MTUS2: variants seen among roughly 807,000 people sequenced by gnomAD.
MTUS2 encodes microtubule-associated tumor suppressor candidate 2.
A neutral mutation model predicts 114.1 loss-of-function variants in MTUS2; 40 were observed. That is an observed-to-expected ratio of 0.35 (90% CI 0.27 to 0.46). MTUS2 has a LOEUF of 0.46. Among genes scored for constraint, MTUS2 ranks in the 20% least tolerant of loss-of-function variants. MTUS2 has a pLI of 1.00. For synonymous variants in MTUS2, 688 were observed against 672.0 expected, an observed-to-expected ratio of 1.02 and a Z score of -0.37; for missense variants, 1,679 against 1,705.4, an observed-to-expected ratio of 0.98 and a Z score of 0.27.
intron 2 of MTUS2, among the ~76,000 whole-genome samples, chr13:28,892,552 CTTTTTAA>C (rs1334748606): frequency 6.6e-6 from 1 of 152,126 alleles, no homozygotes; most frequent in Non-Finnish European, 1.5e-5. Context: ...TGCTATTTTG[CTTTTTAA>C]TTTTTACTTC....
At chr13:29,295,877 A>G (rs1461021052) in intron 6 of MTUS2, among the ~76,000 whole-genome samples, 2 of 152,150 alleles carry the variant, frequency 1.3e-5, no homozygotes, top group African/African-American at 4.8e-5. Flanking sequence ...GAGACTTACT[A>G]TCATGAGAAC....
intron 2 of MTUS2, among the ~76,000 whole-genome samples, chr13:28,904,493 C>T (rs201091994): frequency 6.6e-6 from 1 of 152,130 alleles, no homozygotes; most frequent in East Asian, 1.9e-4. Context: ...TTTCCCAGCA[C>T]CATTTATTAA....
At chr13:29,088,165 G>A (rs2138763107) in intron 4 of MTUS2, among the ~76,000 whole-genome samples, 1 of 152,034 alleles carries the variant, frequency 6.6e-6, no homozygotes, top group South Asian at 2.1e-4. Context: ...CAGAGATTCT[G>A]GTATGTTGTA....
intron 6 of MTUS2, among the ~76,000 whole-genome samples, chr13:29,287,278 G>C (rs1394874164): frequency 6.6e-6 from 1 of 152,208 alleles, no homozygotes; most frequent in African/African-American, 2.4e-5. Flanking sequence ...GTGTGTGAAG[G>C]GGGATGGTGT....
Position 29,504,393 on chromosome 13 carries a change from GA to G in MTUS2, c.*1197del, listed in dbSNP as rs59206498. 0.89 allele frequency: 185,925 copies of G among 209,590 alleles called. 82,110 individuals carry two copies. The highest frequency in any genetic ancestry group is 0.91 in the Admixed American group (15,376 of 16,904). 13.0% of individuals were successfully genotyped at this position (209,590 alleles called of 1,614,324 possible). A position where few individuals can be genotyped will look rare whatever the true frequency, so the allele number is the denominator to read the frequency against. ...TCAGGGGTTCTAGCAGGGGCTTCCA[GA>G]AAAAAAAAACACCATTTCTGTCCCG... On this transcript the variant is annotated 3_prime_UTR_variant, in exon 16 of 16. Coordinates refer to ENST00000612955, the MANE Select transcript of MTUS2 (RefSeq NM_001033602.4).
intron 8 of MTUS2, among the ~76,000 whole-genome samples, chr13:29,370,926 A>T (rs1246691590): frequency 6.6e-6 from 1 of 152,238 alleles, no homozygotes; most frequent in African/African-American, 2.4e-5. Context: ...ATTACCGCAG[A>T]TAAAGAGGGA....
At chr13:28,955,040 A>G (rs1882991104) in intron 2 of MTUS2, among the ~76,000 whole-genome samples, 2 of 152,206 alleles carry the variant, frequency 1.3e-5, no homozygotes, top group Non-Finnish European at 1.5e-5. Context: ...TCTTACAGGT[A>G]AGAAAACTGA....
chr13:29,372,936 G>A (rs1329213810), intron 8 of MTUS2, among the ~76,000 whole-genome samples: 1 of 152,188 alleles, frequency 6.6e-6, no homozygotes, highest in Non-Finnish European at 1.5e-5. Context: ...GCAGCTATTT[G>A]AGAACTTAAA....
chr13:28,826,039 T>G (rs1010973205), intron 1 of MTUS2, among the ~76,000 whole-genome samples: 2 of 152,212 alleles, frequency 1.3e-5, no homozygotes, highest in African/African-American at 4.8e-5. Context: ...TACTCCTCTT[T>G]AGCTTTTGTA....
chr13:29,088,697 T>A (rs1889807017), intron 4 of MTUS2, among the ~76,000 whole-genome samples: 1 of 152,278 alleles, frequency 6.6e-6, no homozygotes, highest in Non-Finnish European at 1.5e-5. Flanking sequence ...TTGAACCCTT[T>A]ATGATTATGT....
intron 5 of MTUS2, among the ~76,000 whole-genome samples, chr13:29,107,511 C>T (rs1406880056): frequency 6.6e-6 from 1 of 152,128 alleles, no homozygotes; most frequent in Non-Finnish European, 1.5e-5. Flanking sequence ...AATTATGGCT[C>T]TCACATTCTT....
At chr13:29,199,527 C>G (rs982680645) in intron 5 of MTUS2, among the ~76,000 whole-genome samples, 2 of 152,118 alleles carry the variant, frequency 1.3e-5, no homozygotes, top group East Asian at 3.8e-4. Context: ...GCCTTGCATC[C>G]CAGGGATAAA....
At chr13:29,021,123 C>G (rs1017974885) in intron 2 of MTUS2, among the ~76,000 whole-genome samples, 1 of 152,080 alleles carries the variant, frequency 6.6e-6, no homozygotes, top group African/African-American at 2.4e-5. Flanking sequence ...AAAAATTAGC[C>G]AGATGTGGTG....
chr13:28,867,230 A>G (rs1232402898), intron 2 of MTUS2, among the ~76,000 whole-genome samples: 3 of 152,362 alleles, frequency 2.0e-5, no homozygotes, highest in East Asian at 3.9e-4. Context: ...TACTTCTATC[A>G]TTCTTACTAC....
At chr13:29,318,265 T>A (rs1233452655) in intron 6 of MTUS2, among the ~76,000 whole-genome samples, 2 of 152,102 alleles carry the variant, frequency 1.3e-5, no homozygotes, top group African/African-American at 4.8e-5. Context: ...AGGTTTTTTT[T>A]TTTTTTGATG....
intron 5 of MTUS2, among the ~76,000 whole-genome samples, chr13:29,122,878 G>C (rs1021595207): frequency 1.3e-5 from 2 of 152,196 alleles, no homozygotes; most frequent in Non-Finnish European, 2.9e-5. Flanking sequence ...CAGAAAAATA[G>C]ATCATTCCAG....
At chr13:29,495,363 A>T (rs1882481281) in intron 12 of MTUS2, among the ~76,000 whole-genome samples, 1 of 141,334 alleles carries the variant, frequency 7.1e-6, no homozygotes, top group Non-Finnish European at 1.6e-5. Context: ...GTCAAAAAAA[A>T]AAAAAAAAAA....
intron 6 of MTUS2, among the ~76,000 whole-genome samples, chr13:29,296,285 T>C (rs1439881044): frequency 1.3e-5 from 2 of 152,088 alleles, no homozygotes; most frequent in Non-Finnish European, 2.9e-5. Flanking sequence ...CGATTATGGC[T>C]CACTGCAGCC....
chr13:29,203,466 A>G (rs75827938), intron 5 of MTUS2, among the ~76,000 whole-genome samples: 2 of 151,582 alleles, frequency 1.3e-5, no homozygotes, highest in Non-Finnish European at 2.9e-5. Context: ...GGTGGGTCCC[A>G]CTGAGCAAGA....
Sources: allele counts gnomAD v4.1 joint callset (sites outside exome capture counted in the v4.1 genomes callset), GRCh38; gene constraint gnomAD v4.1.1; transcripts MANE v1.5; gene names NCBI Gene and HGNC (gene_info 2026-07-23, HGNC 2026-07-21).